Variants in DPP10 observed in about 807,000 individuals in gnomAD.
DPP10 encodes the protein inactive dipeptidyl peptidase 10.
Under a neutral mutation model 120.9 loss-of-function variants are expected in DPP10, and 33 were observed. The ratio of observed to expected loss-of-function variants is 0.27; its 90% CI spans 0.21 to 0.37. The LOEUF is 0.37. Among genes scored for constraint, DPP10 ranks in the 10% least tolerant of loss-of-function variants. The pLI is 1.00. For missense variants in DPP10, 816 were observed against 942.8 expected, an observed-to-expected ratio of 0.87 and a Z score of 1.76; for synonymous variants, 337 against 326.1, an observed-to-expected ratio of 1.03 and a Z score of -0.36.
intron 5 of DPP10, among the ~76,000 whole-genome samples, chr2:115,681,624 T>A (rs1332625060): frequency 1.3e-5 from 2 of 151,820 alleles, no homozygotes; most frequent in African/African-American, 4.8e-5. Context: ...AACATTTGGA[T>A]ATATATTATT....
At chr2:114,918,510 G>A (rs1227119022) in intron 1 of DPP10, among the ~76,000 whole-genome samples, 1 of 152,100 alleles carries the variant, frequency 6.6e-6, no homozygotes, top group Non-Finnish European at 1.5e-5. Context: ...ATCCATTGCA[G>A]CACCTTTCAC....
chr2:115,425,480 C>G (rs2070371011), intron 3 of DPP10, among the ~76,000 whole-genome samples: 1 of 152,078 alleles, frequency 6.6e-6, no homozygotes, highest in Admixed American at 6.6e-5. Context: ...GTAACCTAGC[C>G]TTCAAAATTG....
In DPP10 at chr2:115,149,730, T is replaced by A. The variant is rs149161314; in HGVS notation, c.61-159509T>A. The stretch of plus-strand genomic sequence containing the variant: ...TGTTTGTTTTAACACCACAACCTGG[T>A]TGCAAGTGATAGTCATTGCTACTAG... On this transcript the variant is annotated intron_variant, in intron 1 of 25. Coordinates refer to ENST00000410059, the MANE Select transcript of DPP10 (RefSeq NM_020868.6). Among the ~76,000 whole-genome samples the A allele has an allele frequency of 1.6e-3, 244 of 152,348 alleles. 2 individuals are homozygous for A. The highest frequency in any genetic ancestry group is 5.5e-3 in the African/African-American group (230 of 41,580).
At chr2:114,878,920 A>G (rs539452107) in intron 1 of DPP10, among the ~76,000 whole-genome samples, 4 of 152,100 alleles carry the variant, frequency 2.6e-5, no homozygotes, top group Non-Finnish European at 5.9e-5. Context: ...ATATTCATTT[A>G]CAAGACAAAA....
At chr2:115,300,555 A>G (rs2061080618) in intron 1 of DPP10, among the ~76,000 whole-genome samples, 1 of 152,072 alleles carries the variant, frequency 6.6e-6, no homozygotes, top group Non-Finnish European at 1.5e-5. Flanking sequence ...AGGTGTACAA[A>G]TATCTGTTTG....
chr2:115,588,564 T>C (rs1279538956), intron 5 of DPP10, among the ~76,000 whole-genome samples: 1 of 152,204 alleles, frequency 6.6e-6, no homozygotes, highest in Non-Finnish European at 1.5e-5. Flanking sequence ...CGCACATAGC[T>C]GCATACCTGG....
At chr2:115,786,545 T>C (rs1351311441) in intron 17 of DPP10, among the ~76,000 whole-genome samples, 1 of 152,090 alleles carries the variant, frequency 6.6e-6, no homozygotes, top group Non-Finnish European at 1.5e-5. Flanking sequence ...CTGGACAAAA[T>C]ATACAAATCA....
intron 5 of DPP10, among the ~76,000 whole-genome samples, chr2:115,663,493 A>G (rs927821145): frequency 2.6e-5 from 4 of 152,162 alleles, no homozygotes; most frequent in African/African-American, 9.7e-5. Flanking sequence ...ACACTTTATA[A>G]AAAGTTGTTC....
intron 1 of DPP10, among the ~76,000 whole-genome samples, chr2:115,077,131 C>A (rs184313774): frequency 1.1e-4 from 16 of 152,194 alleles, no homozygotes; most frequent in African/African-American, 3.4e-4. Flanking sequence ...TCTTTCCATG[C>A]GAGCATTGTA....
At chr2:114,779,156 C>T (rs1197470865) in intron 1 of DPP10, among the ~76,000 whole-genome samples, 2 of 152,008 alleles carry the variant, frequency 1.3e-5, no homozygotes, top group Middle Eastern at 3.4e-3. Flanking sequence ...CAGTGTATAC[C>T]CCTGTGAAAC....
chr2:115,402,852 A>ATATATATATAT (rs70941056), intron 3 of DPP10, among the ~76,000 whole-genome samples: 16 of 56,944 alleles, frequency 2.8e-4, no homozygotes, highest in African/African-American at 7.9e-4. Context: ...GAAAAAAAAA[A>ATATATATATAT]AAATATATAT....
chr2:115,259,249 A>G (rs1271549479), intron 1 of DPP10, among the ~76,000 whole-genome samples: 1 of 152,168 alleles, frequency 6.6e-6, no homozygotes, highest in Non-Finnish European at 1.5e-5. Flanking sequence ...TGGGAGGCCA[A>G]GGTGGGCGGA....
intron 1 of DPP10, among the ~76,000 whole-genome samples, chr2:114,666,743 A>G (rs1304979369): frequency 1.3e-5 from 2 of 152,180 alleles, no homozygotes; most frequent in African/African-American, 2.4e-5. Context: ...GGGCAGACAG[A>G]CAACATATTT....
At chr2:114,852,076 C>T (rs916894181) in intron 1 of DPP10, among the ~76,000 whole-genome samples, 1 of 151,110 alleles carries the variant, frequency 6.6e-6, no homozygotes, top group Non-Finnish European at 1.5e-5. Context: ...ATCCTCTATC[C>T]CCATCTTTCC....
At chr2:114,560,928 C>A (rs1014509925) in intron 1 of DPP10, among the ~76,000 whole-genome samples, 1 of 152,190 alleles carries the variant, frequency 6.6e-6, no homozygotes, top group Non-Finnish European at 1.5e-5. Context: ...GGGAAAGGCA[C>A]GATTCACCAG....
At chr2:115,424,400 T>G (rs1235583671) in intron 3 of DPP10, among the ~76,000 whole-genome samples, 1 of 152,078 alleles carries the variant, frequency 6.6e-6, no homozygotes, top group Non-Finnish European at 1.5e-5. Flanking sequence ...TTTAATTTTA[T>G]TATTTTCTAA....
intron 25 of DPP10, 60 bp downstream of exon 25, chr2:115,840,883 G>A (rs1281463202): frequency 3.7e-5 from 50 of 1,359,246 alleles, no homozygotes; most frequent in Non-Finnish European, 4.9e-5. Flanking sequence ...TGTGAGATAC[G>A]CAACACAGCT....
chr2:115,548,213 A>G (rs867096204), intron 5 of DPP10, among the ~76,000 whole-genome samples: 10 of 152,170 alleles, frequency 6.6e-5, no homozygotes, highest in African/African-American at 2.4e-4. Flanking sequence ...CTGTTTAGAT[A>G]TTTAAATCTT....
At chr2:115,572,013 G>T (rs2081363579) in intron 5 of DPP10, among the ~76,000 whole-genome samples, 1 of 151,964 alleles carries the variant, frequency 6.6e-6, no homozygotes, top group African/African-American at 2.4e-5. Flanking sequence ...GCTATTGTCT[G>T]AACAAATCAA....
Sources: allele counts gnomAD v4.1 joint callset (sites outside exome capture counted in the v4.1 genomes callset), GRCh38; gene constraint gnomAD v4.1.1; transcripts MANE v1.5; gene names NCBI Gene and HGNC (gene_info 2026-07-23, HGNC 2026-07-21).